The following NREP variants were observed in gnomAD, a reference collection of about 807,000 sequenced individuals.
NREP encodes the protein neuronal regeneration related protein, also known as neuronal regeneration-related protein.
Under a neutral mutation model 8.6 loss-of-function variants are expected in NREP, and 5 were observed. The ratio of observed to expected loss-of-function variants is 0.58; its 90% CI spans 0.30 to 1.22. The LOEUF (loss-of-function observed/expected upper bound fraction) is 1.22, where lower values mean the gene tolerates loss of function less well. Ranked by LOEUF, NREP falls within the 50% of genes most tolerant of loss-of-function variation. NREP has a pLI of 0.07. For missense variants in NREP, 86 were observed against 82.5 expected, an observed-to-expected ratio of 1.04 and a Z score of -0.17; for synonymous variants, 27 against 28.0, an observed-to-expected ratio of 0.96 and a Z score of 0.11.
At chr5:111,832,313 T>C (rs1311951153) in intron 2 of NREP, among the ~76,000 whole-genome samples, 5 of 151,982 alleles carry the variant, frequency 3.3e-5, no homozygotes, top group Non-Finnish European at 5.9e-5. Flanking sequence ...AGCTCATGAG[T>C]TAGGGACCAG....
chr5:111,753,650 C>A (rs567240917), intron 2 of NREP, among the ~76,000 whole-genome samples: 56 of 151,936 alleles, frequency 3.7e-4, no homozygotes, highest in Non-Finnish European at 7.4e-4. Flanking sequence ...AATTATGTAA[C>A]TGGAAATACA....
chr5:111,736,558 T>C (rs1298904886), intron 2 of NREP, among the ~76,000 whole-genome samples: 1 of 152,174 alleles, frequency 6.6e-6, no homozygotes, highest in Non-Finnish European at 1.5e-5. Context: ...GTAATTGAGG[T>C]AACCTAATCA....
At chr5:111,843,117 C>A (rs1337531211) in intron 2 of NREP, among the ~76,000 whole-genome samples, 2 of 152,052 alleles carry the variant, frequency 1.3e-5, no homozygotes, top group African/African-American at 4.8e-5. Context: ...TCTGTTATTT[C>A]TTTAAAATGA....
rs187343962 is a variant in NREP at position 111,935,113 on chromosome 5, T to G, written c.135+40161A>C. 2.5e-3 allele frequency among the ~76,000 whole-genome samples: 385 copies of G among 152,244 alleles called. 3 individuals carry two copies. Among genetic ancestry groups the G allele is most frequent in the African/African-American group, 8.6e-3 (359 of 41,560 alleles). On this transcript the variant is annotated intron_variant, in intron 2 of 3. Transcript: ENST00000395634. ...GTAGATATACAGTACTTTTGAAAACTGGTAATTTCCCTCCAATATTTCCCC... is the reference window on the plus strand; with the variant it reads ...GTAGATATACAGTACTTTTGAAAACGGGTAATTTCCCTCCAATATTTCCCC...
At chr5:111,738,312 T>C (rs1039671102) in intron 2 of NREP, 2 of 152,192 alleles carry the variant, frequency 1.3e-5, no homozygotes, top group African/African-American at 4.8e-5. Flanking sequence ...AGACCTGACC[T>C]TTGGTATTCC....
chr5:111,756,329 G>GA (rs1438105833), intron 1 of NREP: 1 of 727,374 alleles, frequency 1.4e-6, no homozygotes, highest in Non-Finnish European at 1.7e-6. Context: ...ACGGCGGGGG[G>GA]GGTGGGGGGA....
At chr5:111,819,049 T>C (rs1315734102) in intron 2 of NREP, among the ~76,000 whole-genome samples, 1 of 152,194 alleles carries the variant, frequency 6.6e-6, no homozygotes, top group Non-Finnish European at 1.5e-5. Flanking sequence ...TATGTTCAGC[T>C]CTCTTATTCT....
At chr5:111,811,270 T>C (rs539087384) in intron 2 of NREP, among the ~76,000 whole-genome samples, 34 of 152,340 alleles carry the variant, frequency 2.2e-4, no homozygotes, top group African/African-American at 7.7e-4. Flanking sequence ...CCCCTTCTAT[T>C]ACTGGAATAT....
chr5:111,864,984 C>T (rs922284586), intron 2 of NREP, among the ~76,000 whole-genome samples: 1 of 152,040 alleles, frequency 6.6e-6, no homozygotes. Context: ...ATAAAGTAAA[C>T]TTTTTTTGTG....
rs550726578 is a variant in NREP, at chr5:111,829,105, A to G, written c.136-93598T>C. ...AAGAGCATAGTGTATCTGGAAAAAA[A>G]AAAACAAAAACATATAATTCTATGT... On this transcript the variant is annotated intron_variant, in intron 2 of 3. Transcript: ENST00000395634. 9.3e-4 allele frequency among the ~76,000 whole-genome samples: 141 copies of G among 152,304 alleles called. 1 individual carries two copies. The highest frequency in any genetic ancestry group is 3.2e-3 in the African/African-American group (132 of 41,570).
intron 2 of NREP, among the ~76,000 whole-genome samples, chr5:111,924,536 A>T (rs1347435423): frequency 5.3e-5 from 8 of 152,166 alleles, no homozygotes; most frequent in Middle Eastern, 3.4e-3. Context: ...AGCAAAGTAT[A>T]GGGATTAGGG....
intron 2 of NREP, among the ~76,000 whole-genome samples, chr5:111,857,316 C>T (rs142686011): frequency 2.6e-5 from 4 of 152,302 alleles, no homozygotes; most frequent in African/African-American, 9.6e-5. Context: ...ACGGGCTTTA[C>T]TGTGAGCACA....
At chr5:111,932,653 T>C (rs952888834) in intron 2 of NREP, among the ~76,000 whole-genome samples, 12 of 152,140 alleles carry the variant, frequency 7.9e-5, no homozygotes, top group African/African-American at 2.9e-4. Context: ...GGAAAATGTT[T>C]CATCTGAAAC....
intron 1 of NREP, chr5:111,756,311 A>AAAACC: frequency 3.3e-6 from 1 of 299,002 alleles, no homozygotes; most frequent in Non-Finnish European, 4.5e-6. Context: ...AAAAAAAAAA[A>AAAACC]ACCCTACACG....
chr5:111,783,085 A>AT (rs1195488249), intron 2 of NREP, among the ~76,000 whole-genome samples: 3 of 152,098 alleles, frequency 2.0e-5, no homozygotes, highest in Non-Finnish European at 2.9e-5. Flanking sequence ...AACTCATGGT[A>AT]AGAATGTTTC....
At chr5:111,933,301 C>T (rs1161982170) in intron 2 of NREP, among the ~76,000 whole-genome samples, 2 of 152,040 alleles carry the variant, frequency 1.3e-5, no homozygotes, top group African/African-American at 4.8e-5. Flanking sequence ...AATGAGGACA[C>T]AGATTATTTT....
chr5:111,888,250 T>C (rs892115839), intron 2 of NREP, among the ~76,000 whole-genome samples: 1 of 152,236 alleles, frequency 6.6e-6, no homozygotes, highest in Non-Finnish European at 1.5e-5. Context: ...TGCATTAGTC[T>C]GTTTTCACAT....
chr5:111,798,914 A>G (rs991624345), intron 2 of NREP, among the ~76,000 whole-genome samples: 1 of 152,098 alleles, frequency 6.6e-6, no homozygotes, highest in African/African-American at 2.4e-5. Context: ...TTTGTATAAT[A>G]ACTTCTTTTC....
chr5:111,826,252 C>G (rs1332225984), intron 2 of NREP, among the ~76,000 whole-genome samples: 1 of 152,138 alleles, frequency 6.6e-6, no homozygotes, highest in East Asian at 1.9e-4. Context: ...GTAAAATGGA[C>G]CAATCAGCTC....
Sources: allele counts gnomAD v4.1 joint callset (sites outside exome capture counted in the v4.1 genomes callset), GRCh38; gene constraint gnomAD v4.1.1; transcripts MANE v1.5; gene names NCBI Gene and HGNC (gene_info 2026-07-23, HGNC 2026-07-21).